Variants in ZNF84 observed in about 807,000 individuals in gnomAD.
ZNF84 encodes the protein zinc finger protein 84, also known as zinc finger protein HPF2.
In ZNF84, 12 loss-of-function variants were observed where a neutral mutation model predicts 14.8. The ratio of observed to expected loss-of-function variants is 0.81; its 90% CI spans 0.52 to 1.31. The LOEUF (loss-of-function observed/expected upper bound fraction) is 1.31. Among genes scored for constraint, ZNF84 ranks in the 50% most tolerant of loss-of-function variants. The probability of loss-of-function intolerance (pLI) is 0.00; values close to 1 mark genes in which losing one functional copy is unlikely to be tolerated. For missense variants in ZNF84, 859 were observed against 878.6 expected (o/e 0.98, Z 0.28); for synonymous variants, 347 against 291.1 (o/e 1.19, Z -1.96).
rs267603389 is a variant in ZNF84 at position 133,057,133 on chromosome 12, C to T, written c.418C>T (p.His140Tyr). Reference protein sequence around the residue: ...GDLDGLILKHHLDLLIPKGDY... With the variant: ...GDLDGLILKHYLDLLIPKGDY... ...CTTAGATGGATTGATTTTAAAACAT[C>T]ATTTAGATTTGCTTATTCCAAAAGG... The change falls in exon 5 of 5, where the codon CAT becomes TAT. Residue 140 changes from histidine to tyrosine, a missense_variant. Coordinates refer to ENST00000539354, the MANE Select transcript of ZNF84 (RefSeq NM_001289971.2). 1 of 1,612,070 alleles carries T rather than the reference C, an allele frequency of 6.2e-7. No individual in the cohort carries two copies. Among genetic ancestry groups the T allele is most frequent in the South Asian group, 1.1e-5 (1 of 90,382 alleles).
rs1954205888 is a variant in ZNF84 at position 133,058,712 on chromosome 12, G to A, written c.1997G>A (p.Arg666Gln). The A allele has an allele frequency of 3.7e-6, 6 of 1,611,534 alleles. No homozygotes were observed. Among genetic ancestry groups the A allele is most frequent in the Middle Eastern group, 1.7e-4 (1 of 6,046 alleles). ...AGTGAGTGTGGCAAAGCTTTCTCTC[G>A]GAAGTCACACCTTATACCACATCAA... is the stretch of plus-strand genomic sequence containing the variant. ...ECSECGKAFS[R>Q]KSHLIPHQRT... is the part of the protein sequence containing the mutation. Residue 666 changes from arginine (R) to glutamine (Q), a missense_variant, in exon 5 of 5, where the codon CGG (arginine) becomes CAG (glutamine). Transcript: ENST00000539354.
At chr12:133,048,207 C>G (rs890674402) in intron 3 of ZNF84, 126 bp downstream of exon 3, 13 of 863,948 alleles carry the variant, frequency 1.5e-5, no homozygotes, top group Middle Eastern at 7.2e-4. Context: ...AGACCTGAAA[C>G]TTAGATCACA....
intron 1 of ZNF84, chr12:133,040,542 A>G (rs949773308): frequency 5.5e-5 from 8 of 145,250 alleles, no homozygotes; most frequent in African/African-American, 2.1e-4. Context: ...ACTGCATGCC[A>G]GCCTGGGTTA....
At chr12:133,044,306 A>AG in intron 2 of ZNF84, among the ~76,000 whole-genome samples, 1 of 120,880 alleles carries the variant, frequency 8.3e-6, no homozygotes, top group Admixed American at 1.1e-4. Context: ...TACTAAGTAC[A>AG]GCTAGTTTAA....
In ZNF84 at chr12:133,058,850, G is replaced by A. The variant is rs901375304; in HGVS notation, c.2135G>A (p.Arg712Gln). ...ATTCATACAGGAGAGAAGCCTTATC[G>A]ATGCATTGAATGTGGGAAAGCTTTC... ...QRIHTGEKPY[R>Q]CIECGKAFSQ... is the part of the protein sequence containing the mutation. The change falls in exon 5 of 5, where the codon CGA (arginine) becomes CAA (glutamine). Residue 712 changes from arginine (R) to glutamine (Q), a missense_variant. Arg to Gln is a conservative substitution (Grantham distance 43). Coordinates refer to ENST00000539354, the MANE Select transcript of ZNF84 (RefSeq NM_001289971.2). The A allele has an allele frequency of 6.4e-5, 104 of 1,612,814 alleles. No homozygotes were observed. In the African/African-American group the frequency reaches 7.1e-4, roughly 11 times the overall value.
At position 133,062,744 on chromosome 12, in the gene ZNF84, T is replaced by C. The variant is rs1313759117; in HGVS notation, c.*3812T>C. 3.9e-6 allele frequency: 1 copy of C among 253,364 alleles called. No homozygotes were observed. The highest frequency in any genetic ancestry group is 7.6e-6 in the Non-Finnish European group (1 of 131,002). 15.7% of individuals were successfully genotyped at this position (253,364 alleles called of 1,614,324 possible). A position where few individuals can be genotyped will look rare whatever the true frequency, so the allele number is the denominator to read the frequency against. On this transcript the variant is annotated 3_prime_UTR_variant, in exon 5 of 5. Transcript: ENST00000539354. ...GACTTAAAGTGTAACATTCTCCTTA[T>C]GGTATGTAAGGACTTTTGTATAAAC... is the stretch of plus-strand genomic sequence containing the variant.
chr12:133,048,524 C>T (rs1954022112), intron 3 of ZNF84: 1 of 350,440 alleles, frequency 2.9e-6, no homozygotes, highest in African/African-American at 2.1e-5. Context: ...ATTAAAGAGC[C>T]TGGATGTAAA....
chr12:133,041,254 A>G, intron 1 of ZNF84, 24 bp from the exon 2 acceptor site: 1 of 556,776 alleles, frequency 1.8e-6, no homozygotes, highest in Non-Finnish European at 3.2e-6. Flanking sequence ...TGAATATACC[A>G]GTTGAAGTAC....
rs1954175086 is a variant in ZNF84, at chr12:133,057,228, G to A, written c.513G>A (p.Glu171=). Residue 171 remains glutamate (E), a synonymous_variant, in exon 5 of 5, where the codon GAG becomes GAA. Transcript: ENST00000539354. ...ATTTTTTTCTCCATTCCAAGCCTGA[G>A]GATACTGATACCTGGTTAAAATACT... ...FDNFFLHSKP[E]DTDTWLKYYD... The A allele has an allele frequency of 3.1e-6, 5 of 1,613,766 alleles. No individual in the cohort carries two copies. The South Asian group carries it at 4.4e-5, about 14-fold the overall frequency.
intron 4 of ZNF84, among the ~76,000 whole-genome samples, chr12:133,056,447 G>A (rs1298328402): frequency 6.6e-6 from 1 of 151,912 alleles, no homozygotes; most frequent in Non-Finnish European, 1.5e-5. Context: ...TAGAGACGGG[G>A]TTTCACCATG....
At chr12:133,044,760 A>G (rs965981499) in intron 2 of ZNF84, among the ~76,000 whole-genome samples, 16 of 151,902 alleles carry the variant, frequency 1.1e-4, no homozygotes, top group African/African-American at 3.9e-4. Context: ...TAATAATACA[A>G]AAAATTAGCC....
intron 2 of ZNF84, among the ~76,000 whole-genome samples, chr12:133,046,682 G>A (rs1473542249): frequency 6.6e-6 from 1 of 150,578 alleles, no homozygotes; most frequent in Admixed American, 6.7e-5. Flanking sequence ...TTGTTTTTGA[G>A]ATGGGGTCTC....
chr12:133,058,862 G>A lies in ZNF84; in HGVS notation c.2147G>A (p.Cys716Tyr). 1.2e-6 allele frequency: 2 copies of A among 1,613,628 alleles called. No individual in the cohort carries two copies. The highest frequency in any genetic ancestry group is 1.7e-6 in the Non-Finnish European group (2 of 1,179,790). Residue 716 changes from cysteine to tyrosine, a missense_variant, in exon 5 of 5, where the codon TGT (cysteine) becomes TAT (tyrosine). Transcript: ENST00000539354. ...GAGAAGCCTTATCGATGCATTGAAT[G>A]TGGGAAAGCTTTCTCACAGAAGTCA... ...TGEKPYRCIECGKAFSQKSQL... is the reference protein window; with the variant it reads ...TGEKPYRCIEYGKAFSQKSQL...
chr12:133,038,638 G>T (rs1197727779), intron 1 of ZNF84, among the ~76,000 whole-genome samples: 10 of 20,166 alleles, frequency 5.0e-4, no homozygotes, highest in Non-Finnish European at 1.5e-3. Context: ...GATTCTGATT[G>T]GAGTCGATGA....
In ZNF84 at chr12:133,057,612, C is replaced by T; in HGVS notation, c.897C>T (p.Ala299=). Reference sequence around the variant, plus strand: ...ATGAGTGTGGTGAATGTGGGAAAGCCTTCTCCCGGAAGTCACATCTCATAT... The same window carrying T: ...ATGAGTGTGGTGAATGTGGGAAAGCTTTCTCCCGGAAGTCACATCTCATAT... ...KPYECGECGK[A]FSRKSHLISH... is the part of the protein sequence containing the mutation. Residue 299 remains alanine (A), a synonymous_variant, in exon 5 of 5, where the codon GCC becomes GCT. Transcript: ENST00000539354. 2 of 1,614,170 alleles carry T rather than the reference C, an allele frequency of 1.2e-6. No individual in the cohort carries two copies. The highest frequency in any genetic ancestry group is 1.7e-6 in the Non-Finnish European group (2 of 1,180,046).
rs623100 is a variant in ZNF84, at chr12:133,057,864, A to C, written c.1149A>C (p.Ala383=). The change falls in exon 5 of 5, where the codon GCA becomes GCC. Residue 383 remains alanine, a synonymous_variant. Coordinates refer to ENST00000539354, the MANE Select transcript of ZNF84 (RefSeq NM_001289971.2). Reference sequence around the variant, plus strand: ...TTGGATGTAGTGATTGTAGAAAAGCATTCTTTGAGAAGTCAGAGCTTATTA... The same window carrying C: ...TTGGATGTAGTGATTGTAGAAAAGCCTTCTTTGAGAAGTCAGAGCTTATTA... The part of the protein sequence containing the change: ...KPFGCSDCRK[A]FFEKSELIRH... The C allele has an allele frequency of 0.95, 1,536,837 of 1,614,108 alleles. 732,371 individuals carry two copies. The highest frequency in any genetic ancestry group is 1 in the East Asian group (44,840 of 44,880).
intron 2 of ZNF84, among the ~76,000 whole-genome samples, chr12:133,044,549 TTTC>T (rs2137346241): frequency 6.6e-6 from 1 of 152,288 alleles, no homozygotes; most frequent in African/African-American, 2.4e-5. Context: ...GTGGGATCAG[TTTC>T]TTTAGCAGTT....
chr12:133,042,480 AT>A (rs1373855144), intron 2 of ZNF84, among the ~76,000 whole-genome samples: 4 of 152,034 alleles, frequency 2.6e-5, no homozygotes, highest in Non-Finnish European at 4.4e-5. Context: ...ATTGTTGTTT[AT>A]TTTTTACTGT....
chr12:133,039,642 T>C (rs926163612), intron 1 of ZNF84, among the ~76,000 whole-genome samples: 29 of 152,364 alleles, frequency 1.9e-4, no homozygotes, highest in African/African-American at 6.7e-4. Flanking sequence ...GAATGTTAGC[T>C]GTAACTGTTA....
Sources: gnomAD v4.1 joint callset for allele counts (sites outside exome capture counted in the v4.1 genomes callset) on GRCh38, gnomAD v4.1.1 for gene constraint, MANE v1.5 for transcripts, NCBI Gene and HGNC (gene_info 2026-07-23, HGNC 2026-07-21) for gene names.